Variants in ZNRF3 observed in about 807,000 individuals in gnomAD.
The protein encoded by ZNRF3 is zinc and ring finger 3, also known as E3 ubiquitin-protein ligase ZNRF3.
ZNRF3 carries 23 observed loss-of-function variants against 72.5 expected under a neutral mutation model. The observed-to-expected ratio is 0.32, with a 90% CI of 0.23 to 0.45. ZNRF3 has a LOEUF of 0.45. ZNRF3 is among the 20% of genes least tolerant of loss of function. The pLI is 1.00. For missense variants in ZNRF3, 1,169 were observed against 1,272.1 expected, an observed-to-expected ratio of 0.92 and a Z score of 1.23; for synonymous variants, 610 against 545.3, an observed-to-expected ratio of 1.12 and a Z score of -1.65.
rs1381688357 is a variant in ZNRF3 at position 29,030,425 on chromosome 22, GCAGCCTTAACCA to G, written c.427-12068_427-12057del. On this transcript the variant is annotated intron_variant, in intron 2 of 8. Transcript: ENST00000544604. This position sits in a 1 kb window ranked among gnomAD's most constrained non-coding sequence, Gnocchi z 4.2. ...AATAAGTAACACTATTTAAACTTAG[GCAGCCTTAACCA>G]CTAACTTAACCGCTGAATTCTCGCT... Among the ~76,000 whole-genome samples, 4 of 152,180 alleles carry G rather than the reference GCAGCCTTAACCA, an allele frequency of 2.6e-5. No homozygotes were observed. Among genetic ancestry groups the G allele is most frequent in the Non-Finnish European group, 5.9e-5 (4 of 68,032 alleles).
intron 1 of ZNRF3, among the ~76,000 whole-genome samples, chr22:28,909,342 C>T (rs908898487): frequency 5.9e-5 from 9 of 152,104 alleles, no homozygotes; most frequent in Non-Finnish European, 1.2e-4. Flanking sequence ...TTGGGGCTAA[C>T]AGCTTTTAAG....
At chr22:28,970,167 G>A (rs2035542948) in intron 1 of ZNRF3, among the ~76,000 whole-genome samples, 2 of 152,170 alleles carry the variant, frequency 1.3e-5, no homozygotes, top group Admixed American at 1.3e-4. Context: ...AAAGAACTCT[G>A]AAAATTCAAT....
intron 1 of ZNRF3, among the ~76,000 whole-genome samples, chr22:28,925,686 A>T (rs117689865): frequency 1.3e-5 from 2 of 152,032 alleles, no homozygotes; most frequent in Admixed American, 6.6e-5. Context: ...TTTTTTATCT[A>T]TCTGTGCATG....
chr22:28,962,197 T>C lies in ZNRF3; in HGVS notation c.301-24879T>C, dbSNP rs571306024. 5.3e-5 allele frequency among the ~76,000 whole-genome samples: 8 copies of C among 152,350 alleles called. No homozygotes were observed. In the South Asian group the frequency reaches 6.2e-4, roughly 12 times the overall value. On this transcript the variant is annotated intron_variant, in intron 1 of 8. Transcript: ENST00000544604. ...CTGCTCAATAGCAACATGTGGCTTG[T>C]AGCTCCTACATTGCTGGTATAGAAA... is the stretch of plus-strand genomic sequence containing the variant.
At chr22:28,933,606 T>A (rs954513973) in intron 1 of ZNRF3, among the ~76,000 whole-genome samples, 14 of 152,156 alleles carry the variant, frequency 9.2e-5, no homozygotes, top group Non-Finnish European at 1.5e-4. Flanking sequence ...GAATAGACAT[T>A]AGGCCACATC....
intron 1 of ZNRF3, among the ~76,000 whole-genome samples, chr22:28,974,998 C>A (rs1202503191): frequency 6.6e-6 from 1 of 152,194 alleles, no homozygotes; most frequent in Non-Finnish European, 1.5e-5. Context: ...TATTATCTTA[C>A]TGTGGTGACA....
intron 1 of ZNRF3, among the ~76,000 whole-genome samples, chr22:28,935,533 G>A (rs1055886608): frequency 6.6e-6 from 1 of 152,096 alleles, no homozygotes; most frequent in African/African-American, 2.4e-5. Context: ...CACTCTTTGG[G>A]GTCAAGACTG....
chr22:28,900,946 A>T (rs1042510422), intron 1 of ZNRF3, among the ~76,000 whole-genome samples: 3 of 151,786 alleles, frequency 2.0e-5, no homozygotes, highest in Admixed American at 6.6e-5. Context: ...CCTACAACAA[A>T]TTTTTTTTAA....
chr22:29,034,674 A>T (rs1416822096), intron 2 of ZNRF3, among the ~76,000 whole-genome samples: 1 of 152,220 alleles, frequency 6.6e-6, no homozygotes, highest in Non-Finnish European at 1.5e-5. Context: ...GCACTTTGGG[A>T]AAGGCTACTA....
chr22:28,953,106 G>C (rs958146951), intron 1 of ZNRF3, among the ~76,000 whole-genome samples: 50 of 152,162 alleles, frequency 3.3e-4, no homozygotes, highest in African/African-American at 1.2e-3. Context: ...AACTGCAGGG[G>C]CCCCATTCAT....
At chr22:28,956,377 T>A (rs1161162479) in intron 1 of ZNRF3, among the ~76,000 whole-genome samples, 3 of 142,432 alleles carry the variant, frequency 2.1e-5, no homozygotes, top group African/African-American at 5.4e-5. Flanking sequence ...TTTTTTTTTT[T>A]AAAGCTGCAT....
intron 1 of ZNRF3, among the ~76,000 whole-genome samples, chr22:28,889,256 T>G (rs910198413): frequency 7.9e-5 from 12 of 152,090 alleles, no homozygotes; most frequent in African/African-American, 4.8e-5. Context: ...AACCTGAGGG[T>G]CACAGACTTT....
At chr22:29,022,465 C>T (rs1178632192) in intron 2 of ZNRF3, among the ~76,000 whole-genome samples, 5 of 152,122 alleles carry the variant, frequency 3.3e-5, no homozygotes, top group Non-Finnish European at 7.4e-5. Context: ...TGGTCCCTGC[C>T]CATCACTGGA....
Position 29,030,501 on chromosome 22 carries a change from A to G in ZNRF3, c.427-11994A>G, listed in dbSNP as rs2036724435. Among the ~76,000 whole-genome samples, 1 of 152,228 alleles carries G rather than the reference A, an allele frequency of 6.6e-6. No homozygotes were observed. The highest frequency in any genetic ancestry group is 1.5e-5 in the Non-Finnish European group (1 of 68,040). ...TAAATAGATCAGCATAATCTTAACTAGGACTTAAAATGCATCATCTTCGTT... is the reference window on the plus strand; with the variant it reads ...TAAATAGATCAGCATAATCTTAACTGGGACTTAAAATGCATCATCTTCGTT... On this transcript the variant is annotated intron_variant, in intron 2 of 8. Transcript: ENST00000544604. This position sits in a 1 kb window ranked among gnomAD's most constrained non-coding sequence, Gnocchi z 4.2.
chr22:28,987,004 A>C, intron 1 of ZNRF3, 72 bp from the exon 2 acceptor site: 1 of 1,528,558 alleles, frequency 6.5e-7, no homozygotes, highest in Non-Finnish European at 8.8e-7. Context: ...ATAGCATCTG[A>C]GAAATACACA....
At chr22:29,010,206 G>A (rs1166193664) in intron 2 of ZNRF3, among the ~76,000 whole-genome samples, 1 of 151,980 alleles carries the variant, frequency 6.6e-6, no homozygotes, top group Non-Finnish European at 1.5e-5. Flanking sequence ...ACCGCACCCA[G>A]CCCCTCTTCT....
intron 1 of ZNRF3, among the ~76,000 whole-genome samples, chr22:28,956,302 G>A (rs962244812): frequency 6.6e-6 from 1 of 151,784 alleles, no homozygotes; most frequent in African/African-American, 2.4e-5. Context: ...TGTGAGGTGG[G>A]CATGCTGGTG....
rs754175403 is a variant in ZNRF3, at chr22:29,046,882, A to C, written c.911A>C (p.Glu304Ala). Residue 304 changes from glutamate (E) to alanine (A), a missense_variant and splice_region_variant, in exon 6 of 9, where the codon GAG (glutamate) becomes GCG (alanine). Glu to Ala is a moderately radical substitution (Grantham distance 107). Transcript: ENST00000544604. ...TGTCTGGAGAAGTACATTGATGGAGAGGTAATGGCAGAAGCAGGCCCGTCC... is the reference window on the plus strand; with the variant it reads ...TGTCTGGAGAAGTACATTGATGGAGCGGTAATGGCAGAAGCAGGCCCGTCC... ...AICLEKYIDG[E>A]ELRVIPCTHR... is the part of the protein sequence containing the mutation. 6.4e-7 allele frequency: 1 copy of C among 1,562,952 alleles called. No homozygotes were observed. The highest frequency in any genetic ancestry group is 1.8e-5 in the Admixed American group (1 of 55,404).
intron 1 of ZNRF3, among the ~76,000 whole-genome samples, chr22:28,916,906 G>A (rs1185593561): frequency 1.6e-4 from 25 of 152,178 alleles, no homozygotes; most frequent in Admixed American, 1.6e-3. Context: ...CTTTGAAGAT[G>A]CTTTGACTAT....
Sources: gnomAD v4.1 joint callset for allele counts (sites outside exome capture counted in the v4.1 genomes callset) on GRCh38, gnomAD v4.1.1 for gene constraint, Gnocchi (gnomAD v3.1) non-coding constraint, MANE v1.5 for transcripts, NCBI Gene and HGNC (gene_info 2026-07-23, HGNC 2026-07-21) for gene names.